Variants in ADAMTS17 observed in about 807,000 individuals in gnomAD.
The protein encoded by ADAMTS17 is ADAM metallopeptidase with thrombospondin type 1 motif 17, also known as A disintegrin and metalloproteinase with thrombospondin motifs 17.
ADAMTS17 carries 113 observed loss-of-function variants against 141.5 expected under a neutral mutation model. The observed-to-expected ratio is 0.80, with a 90% CI of 0.69 to 0.93. ADAMTS17 has a LOEUF of 0.93. ADAMTS17 is among the 40% of genes least tolerant of loss of function. The probability of loss-of-function intolerance (pLI) is 0.00; values close to 1 mark genes in which losing one functional copy is unlikely to be tolerated. For synonymous variants in ADAMTS17, 768 were observed against 630.6 expected (o/e 1.22, Z -3.27); for missense variants, 1,659 against 1,517.9 (o/e 1.09, Z -1.54).
At chr15:100,127,758 T>C (rs764909865) in intron 12 of ADAMTS17, among the ~76,000 whole-genome samples, 8 of 141,730 alleles carry the variant, frequency 5.6e-5, no homozygotes, top group Non-Finnish European at 9.6e-5. Flanking sequence ...ATTTTCGTAC[T>C]TTTAGTAGAG....
chr15:100,055,601 C>T (rs1227114556), intron 15 of ADAMTS17, among the ~76,000 whole-genome samples: 1 of 152,132 alleles, frequency 6.6e-6, no homozygotes, highest in Non-Finnish European at 1.5e-5. Context: ...TTATAGGACT[C>T]CAGGGACAGC....
chr15:100,277,666 G>A (rs571095874), intron 4 of ADAMTS17, among the ~76,000 whole-genome samples: 33 of 152,252 alleles, frequency 2.2e-4, no homozygotes, highest in Non-Finnish European at 3.2e-4. Context: ...CCGGGGAGAC[G>A]TGGGTTTGTG....
intron 15 of ADAMTS17, among the ~76,000 whole-genome samples, chr15:100,079,110 C>T (rs11853410): frequency 0.16 from 23,755 of 152,150 alleles, 3,588 homozygotes; most frequent in African/African-American, 0.4. Flanking sequence ...CTACCAGAAA[C>T]GTAAAGTGGT....
intron 2 of ADAMTS17, among the ~76,000 whole-genome samples, chr15:100,340,578 G>A (rs1488007418): frequency 6.6e-6 from 1 of 152,162 alleles, no homozygotes; most frequent in Non-Finnish European, 1.5e-5. Context: ...GACTCAAAAG[G>A]AAGGGAGGTG....
chr15:100,096,820 A>T (rs1044934078), intron 14 of ADAMTS17, among the ~76,000 whole-genome samples: 2 of 152,222 alleles, frequency 1.3e-5, no homozygotes, highest in Non-Finnish European at 2.9e-5. Flanking sequence ...GTGAAGCCTG[A>T]ACCCTCACAC....
Position 100,341,285 on chromosome 15 carries a change from G to C in ADAMTS17, c.204C>G (p.Pro68=). The change falls in exon 2 of 22, where the codon CCC becomes CCG. Residue 68 remains proline, a synonymous_variant. Coordinates refer to ENST00000268070, the MANE Select transcript of ADAMTS17 (RefSeq NM_139057.4). ...CGGGCCGGGCGCGCGGGGCGGCTGG[G>C]GGCGTGCGGGGGCGTCGCCGCCGTC... is the stretch of plus-strand genomic sequence containing the variant. The part of the protein sequence containing the change: ...GPRRRRRPRT[P]PAAPRARPGE... 2.7e-6 allele frequency: 3 copies of C among 1,127,376 alleles called. No individual in the cohort carries two copies. Among genetic ancestry groups the C allele is most frequent in the Non-Finnish European group, 3.2e-6 (3 of 924,246 alleles). 69.8% of individuals were successfully genotyped at this position (1,127,376 alleles called of 1,614,324 possible). A position where few individuals can be genotyped will look rare whatever the true frequency, so the allele number is the denominator to read the frequency against.
At position 100,295,734 on chromosome 15, in the gene ADAMTS17, G is replaced by C. The variant is rs1414398419; in HGVS notation, c.617-14333C>G. On this transcript the variant is annotated intron_variant, in intron 3 of 21. Transcript: ENST00000268070. The stretch of plus-strand genomic sequence containing the variant: ...CTGACACTGACATAACCAATTCCCT[G>C]TGTTAAATCCCTCTGTTAGAAATAC... Among the ~76,000 whole-genome samples, 6 of 152,278 alleles carry C rather than the reference G, an allele frequency of 3.9e-5. No individual in the cohort carries two copies. In the East Asian group the frequency reaches 1.2e-3, roughly 29 times the overall value.
chr15:100,096,745 G>GC (rs1270558275), intron 14 of ADAMTS17, among the ~76,000 whole-genome samples: 10 of 152,196 alleles, frequency 6.6e-5, no homozygotes, highest in African/African-American at 2.4e-4. Flanking sequence ...AGGCACAAGT[G>GC]CCCATGGGGG....
chr15:100,241,301 G>A (rs1449033534), intron 7 of ADAMTS17, among the ~76,000 whole-genome samples: 1 of 152,134 alleles, frequency 6.6e-6, no homozygotes, highest in African/African-American at 2.4e-5. Flanking sequence ...CCACACCCTG[G>A]CAGGTCACCT....
At chr15:100,092,181 T>G (rs1251034320) in intron 15 of ADAMTS17, among the ~76,000 whole-genome samples, 1 of 152,234 alleles carries the variant, frequency 6.6e-6, no homozygotes, top group East Asian at 1.9e-4. Context: ...CCCAGCAGGC[T>G]AGGGTACGTT....
intron 3 of ADAMTS17, among the ~76,000 whole-genome samples, chr15:100,307,394 C>T (rs1567516849): frequency 6.6e-6 from 1 of 152,140 alleles, no homozygotes; most frequent in Admixed American, 6.5e-5. Context: ...GAAAGACCTG[C>T]CTGAGACTTA....
chr15:100,330,064 GC>G (rs1288535510), intron 3 of ADAMTS17, among the ~76,000 whole-genome samples: 1 of 152,182 alleles, frequency 6.6e-6, no homozygotes, highest in Non-Finnish European at 1.5e-5. Context: ...TGCCACCTGT[GC>G]TCCAACTTCA....
rs146488358 is a variant in ADAMTS17 at position 100,073,457 on chromosome 15, T to C, written c.2138-19403A>G. Among the ~76,000 whole-genome samples the C allele has an allele frequency of 2.0e-3, 303 of 152,176 alleles. 3 individuals carry two copies. The East Asian group carries it at 0.046, about 23-fold the overall frequency. ...TAAATCATGCTGTTATAAAGACACA[T>C]GCACACGTATGTTTATTGCGGCACT... On this transcript the variant is annotated intron_variant, in intron 15 of 21. Transcript: ENST00000268070.
intron 2 of ADAMTS17, chr15:100,338,982 C>T (rs1274474321): frequency 4.1e-6 from 4 of 985,412 alleles, no homozygotes; most frequent in African/African-American, 1.7e-5. Context: ...CTCTTCCCTC[C>T]GGCCTTCAGT....
intron 3 of ADAMTS17, among the ~76,000 whole-genome samples, chr15:100,330,600 C>T (rs777439600): frequency 5.9e-4 from 90 of 152,060 alleles, no homozygotes; most frequent in African/African-American, 2.0e-3. Flanking sequence ...TATCCAAGCT[C>T]GGCTACAAGG....
At chr15:100,231,733 A>G (rs974183388) in intron 7 of ADAMTS17, among the ~76,000 whole-genome samples, 3 of 151,852 alleles carry the variant, frequency 2.0e-5, no homozygotes, top group African/African-American at 7.3e-5. Flanking sequence ...TCTTGAACTC[A>G]CTCAGTCTTG....
In ADAMTS17 at chr15:100,329,526, C is replaced by CAA. The variant is rs35680287; in HGVS notation, c.616+1361_616+1362dup. 3.5e-3 allele frequency among the ~76,000 whole-genome samples: 445 copies of CAA among 128,116 alleles called. 1 individual carries two copies. The highest frequency in any genetic ancestry group is 6.3e-3 in the African/African-American group (219 of 34,946). 84.0% of individuals were successfully genotyped at this position (128,116 alleles called of 152,430 possible). On this transcript the variant is annotated intron_variant, in intron 3 of 21. Coordinates refer to ENST00000268070, the MANE Select transcript of ADAMTS17 (RefSeq NM_139057.4). ...GGGTGACAGAGTGAGATCGTGTCTC[C>CAA]AAAAAAAAAAAAAAAGCCATACTGA... is the stretch of plus-strand genomic sequence containing the variant.
chr15:100,051,439 G>C, intron 17 of ADAMTS17, 133 bp downstream of exon 17: 1 of 1,289,244 alleles, frequency 7.8e-7, no homozygotes, highest in South Asian at 1.2e-5. Context: ...AGAGATTTTC[G>C]GTGGGATATG....
At chr15:100,323,786 T>C (rs978292112) in intron 3 of ADAMTS17, among the ~76,000 whole-genome samples, 5 of 152,192 alleles carry the variant, frequency 3.3e-5, no homozygotes, top group East Asian at 3.9e-4. Flanking sequence ...CTGTGAGTGA[T>C]AAATGCAAGC....
Sources: gnomAD v4.1 joint callset for allele counts (sites outside exome capture counted in the v4.1 genomes callset) on GRCh38, gnomAD v4.1.1 for gene constraint, MANE v1.5 for transcripts, NCBI Gene and HGNC (gene_info 2026-07-23, HGNC 2026-07-21) for gene names.